The following GRM3 variants were observed in gnomAD, a reference collection of about 807,000 sequenced individuals.
GRM3 encodes the protein glutamate metabotropic receptor 3.
A neutral mutation model predicts 70.5 loss-of-function variants in GRM3; 26 were observed. That is an observed-to-expected ratio of 0.37 (90% CI 0.27 to 0.51). The LOEUF (loss-of-function observed/expected upper bound fraction) is 0.51, where lower values mean the gene tolerates loss of function less well. GRM3 is among the 20% of genes least tolerant of loss of function. The probability of loss-of-function intolerance (pLI) is 0.93; values close to 1 mark genes in which losing one functional copy is unlikely to be tolerated. For missense variants in GRM3, 859 were observed against 1,123.8 expected (o/e 0.76, Z 3.37); for synonymous variants, 443 against 434.9 (o/e 1.02, Z -0.23).
At chr7:86,776,120 T>A (rs1293439348) in intron 2 of GRM3, 1 of 152,184 alleles carries the variant, frequency 6.6e-6, no homozygotes, top group African/African-American at 2.4e-5. Context: ...ACAAATTAGC[T>A]ATTATCACCC....
chr7:86,841,481 T>C (rs768639228), intron 4 of GRM3, among the ~76,000 whole-genome samples: 3 of 152,170 alleles, frequency 2.0e-5, no homozygotes, highest in Non-Finnish European at 4.4e-5. Context: ...AGTTAATGTA[T>C]TGTAATGCCC....
intron 3 of GRM3, among the ~76,000 whole-genome samples, chr7:86,793,016 C>CT (rs140134217): frequency 0.04 from 3,758 of 94,240 alleles, 46 homozygotes; most frequent in Non-Finnish European, 0.054. Context: ...GGTTGGTTGC[C>CT]TTTTTTTTTT....
intron 3 of GRM3, among the ~76,000 whole-genome samples, chr7:86,800,464 C>T (rs1797656459): frequency 6.6e-6 from 1 of 152,148 alleles, no homozygotes; most frequent in Non-Finnish European, 1.5e-5. Flanking sequence ...GATATCGCCA[C>T]TGATCCCACA....
chr7:86,773,970 G>T (rs1796813604), intron 2 of GRM3, among the ~76,000 whole-genome samples: 1 of 152,076 alleles, frequency 6.6e-6, no homozygotes, highest in Non-Finnish European at 1.5e-5. Context: ...TGCAGGTCAG[G>T]TGTCTATGAT....
At chr7:86,848,927 C>T (rs895935323) in intron 4 of GRM3, among the ~76,000 whole-genome samples, 4 of 152,102 alleles carry the variant, frequency 2.6e-5, no homozygotes, top group Admixed American at 6.6e-5. Context: ...AGGCTTTCAG[C>T]GAGGAGACAA....
intron 3 of GRM3, among the ~76,000 whole-genome samples, chr7:86,816,450 T>C (rs1482388454): frequency 6.6e-6 from 1 of 151,880 alleles, no homozygotes; most frequent in Non-Finnish European, 1.5e-5. Context: ...CCTCCCAGCA[T>C]CCACCCTCAA....
intron 1 of GRM3, among the ~76,000 whole-genome samples, chr7:86,655,243 A>G (rs980760166): frequency 1.3e-5 from 2 of 152,136 alleles, no homozygotes; most frequent in Non-Finnish European, 2.9e-5. Context: ...CTCCAAACCT[A>G]TATTTAAGTC....
At chr7:86,658,873 G>A (rs73704960) in intron 1 of GRM3, among the ~76,000 whole-genome samples, 3,085 of 151,268 alleles carry the variant, frequency 0.02, 105 homozygotes, top group African/African-American at 0.07. Context: ...AAAGTAATTA[G>A]GTCTTATTTA....
chr7:86,857,779 A>C (rs1310283243), intron 5 of GRM3, among the ~76,000 whole-genome samples: 1 of 152,200 alleles, frequency 6.6e-6, no homozygotes. Context: ...AAGAGGAGAA[A>C]CCAGTGATGT....
intron 3 of GRM3, among the ~76,000 whole-genome samples, chr7:86,813,382 C>A (rs1797951992): frequency 6.6e-6 from 1 of 151,804 alleles, no homozygotes; most frequent in African/African-American, 2.4e-5. Context: ...GTTTAGAGTC[C>A]AGTCAAGTTC....
intron 1 of GRM3, among the ~76,000 whole-genome samples, chr7:86,654,159 C>T (rs1256526280): frequency 6.6e-6 from 1 of 152,162 alleles, no homozygotes; most frequent in Admixed American, 6.5e-5. Context: ...GGAAAAATGC[C>T]GAACAGGAAG....
At chr7:86,825,500 T>C (rs899103855) in intron 3 of GRM3, among the ~76,000 whole-genome samples, 3 of 152,208 alleles carry the variant, frequency 2.0e-5, no homozygotes, top group Non-Finnish European at 4.4e-5. Context: ...AACTTAACAA[T>C]AGACCAGCAC....
chr7:86,696,649 A>G (rs926662803), intron 1 of GRM3, among the ~76,000 whole-genome samples: 1 of 152,164 alleles, frequency 6.6e-6, no homozygotes, highest in Non-Finnish European at 1.5e-5. Flanking sequence ...CATCTGTTTT[A>G]TAAAGGTGAA....
intron 3 of GRM3, among the ~76,000 whole-genome samples, chr7:86,799,681 C>T (rs1205570709): frequency 6.6e-6 from 1 of 151,756 alleles, no homozygotes; most frequent in Non-Finnish European, 1.5e-5. Context: ...CGCCCACCAC[C>T]AAGGCCAGCT....
At chr7:86,671,547 C>G (rs1427697558) in intron 1 of GRM3, among the ~76,000 whole-genome samples, 1 of 152,164 alleles carries the variant, frequency 6.6e-6, no homozygotes, top group African/African-American at 2.4e-5. Flanking sequence ...CTCCATCTTA[C>G]TCACCACCTA....
At chr7:86,675,010 T>C (rs2115927335) in intron 1 of GRM3, among the ~76,000 whole-genome samples, 1 of 152,274 alleles carries the variant, frequency 6.6e-6, no homozygotes, top group Admixed American at 6.5e-5. Flanking sequence ...AAAATAACTT[T>C]TCTATTACAA....
chr7:86,688,978 A>G (rs992770244), intron 1 of GRM3, among the ~76,000 whole-genome samples: 3 of 148,100 alleles, frequency 2.0e-5, no homozygotes, highest in Non-Finnish European at 3.0e-5. Context: ...AATTTATTAT[A>G]TATTAATTTA....
intron 3 of GRM3, among the ~76,000 whole-genome samples, chr7:86,808,321 G>C (rs1490174050): frequency 1.3e-5 from 2 of 152,086 alleles, no homozygotes; most frequent in Non-Finnish European, 2.9e-5. Flanking sequence ...AGAAGAAATT[G>C]TACCAGCTCC....
chr7:86,671,325 T>C (rs1445241890), intron 1 of GRM3, among the ~76,000 whole-genome samples: 1 of 152,248 alleles, frequency 6.6e-6, no homozygotes, highest in East Asian at 1.9e-4. Flanking sequence ...ATGACTCTAA[T>C]ATGGTTTAGA....
Sources: allele counts gnomAD v4.1 joint callset (sites outside exome capture counted in the v4.1 genomes callset), GRCh38; gene constraint gnomAD v4.1.1; transcripts MANE v1.5; gene names NCBI Gene and HGNC (gene_info 2026-07-23, HGNC 2026-07-21).